DPP10: variants seen among roughly 807,000 people sequenced by gnomAD.
The protein encoded by DPP10 is dipeptidyl peptidase like 10, also known as inactive dipeptidyl peptidase 10.
In DPP10, 33 loss-of-function variants were observed where a neutral mutation model predicts 120.9. The ratio of observed to expected loss-of-function variants is 0.27; its 90% CI spans 0.21 to 0.37. The LOEUF is 0.37. DPP10 is among the 10% of genes least tolerant of loss of function. The pLI is 1.00. For missense variants in DPP10, 816 were observed against 942.8 expected, an observed-to-expected ratio of 0.87 and a Z score of 1.76; for synonymous variants, 337 against 326.1, an observed-to-expected ratio of 1.03 and a Z score of -0.36.
intron 1 of DPP10, among the ~76,000 whole-genome samples, chr2:114,948,163 G>A (rs932038318): frequency 5.9e-5 from 9 of 151,602 alleles, no homozygotes; most frequent in Admixed American, 3.3e-4. Context: ...TTCTGGGAGC[G>A]TGCTTTGACT....
intron 19 of DPP10, among the ~76,000 whole-genome samples, chr2:115,809,911 C>A (rs1284837193): frequency 6.6e-6 from 1 of 152,168 alleles, no homozygotes; most frequent in Non-Finnish European, 1.5e-5. Context: ...CGCCTGTAAT[C>A]CCAGCACTTT....
At chr2:114,554,753 G>A (rs1167619579) in intron 1 of DPP10, among the ~76,000 whole-genome samples, 3 of 152,112 alleles carry the variant, frequency 2.0e-5, no homozygotes, top group Non-Finnish European at 4.4e-5. Context: ...CAATTACTTT[G>A]ACTCTTCAAA....
intron 1 of DPP10, among the ~76,000 whole-genome samples, chr2:114,557,815 T>C (rs1282968275): frequency 6.6e-6 from 1 of 152,174 alleles, no homozygotes; most frequent in Non-Finnish European, 1.5e-5. Context: ...TTGGGGCTCA[T>C]GTAGGCCACA....
chr2:114,468,204 C>T (rs2104599514), intron 1 of DPP10, among the ~76,000 whole-genome samples: 1 of 152,006 alleles, frequency 6.6e-6, no homozygotes, highest in South Asian at 2.1e-4. Flanking sequence ...TTTCTAAGGT[C>T]CAAGGCTAGT....
intron 17 of DPP10, among the ~76,000 whole-genome samples, chr2:115,786,074 C>A (rs1683311423): frequency 6.6e-6 from 1 of 152,030 alleles, no homozygotes; most frequent in Non-Finnish European, 1.5e-5. Flanking sequence ...TATTTACTTA[C>A]AAAAGAGGTA....
At chr2:115,052,183 A>G (rs562098587) in intron 1 of DPP10, among the ~76,000 whole-genome samples, 1 of 152,294 alleles carries the variant, frequency 6.6e-6, no homozygotes, top group African/African-American at 2.4e-5. Context: ...CTAACTCATA[A>G]TGGATCAAAC....
intron 5 of DPP10, among the ~76,000 whole-genome samples, chr2:115,663,870 C>G (rs983581000): frequency 6.6e-6 from 1 of 151,952 alleles, no homozygotes; most frequent in African/African-American, 2.4e-5. Context: ...TGGCGTGCAC[C>G]TGCAATCCCA....
intron 12 of DPP10, among the ~76,000 whole-genome samples, chr2:115,766,308 GTGTATATATATATATATGTATATATATA>G (rs1228980746): frequency 1.6e-5 from 1 of 62,476 alleles, no homozygotes; most frequent in African/African-American, 5.2e-5. Context: ...GTGTGTGTGT[GTGTATATATATATATATGTATATATATA>G]TGTATATATA....
At chr2:115,820,680 A>G (rs531198455) in intron 21 of DPP10, among the ~76,000 whole-genome samples, 1 of 151,986 alleles carries the variant, frequency 6.6e-6, no homozygotes, top group East Asian at 1.9e-4. Flanking sequence ...AGAATATATT[A>G]TGTTTGGTTT....
At chr2:115,536,675 C>T (rs557718854) in intron 5 of DPP10, among the ~76,000 whole-genome samples, 105 of 152,004 alleles carry the variant, frequency 6.9e-4, no homozygotes, top group Middle Eastern at 6.8e-3. Context: ...GACACGAATG[C>T]TTTTTCTAAG....
chr2:114,589,231 C>A (rs1440916404), intron 1 of DPP10, among the ~76,000 whole-genome samples: 1 of 152,086 alleles, frequency 6.6e-6, no homozygotes, highest in Non-Finnish European at 1.5e-5. Flanking sequence ...TCAAGTAGGT[C>A]AGTTTTATAA....
chr2:114,723,039 G>A (rs996022875), intron 1 of DPP10, among the ~76,000 whole-genome samples: 10 of 152,166 alleles, frequency 6.6e-5, no homozygotes, highest in Non-Finnish European at 1.2e-4. Flanking sequence ...GAAGTGCTCC[G>A]TGCACATTCA....
chr2:115,835,453 GAA>G (rs1257923789), intron 21 of DPP10, among the ~76,000 whole-genome samples: 4 of 152,114 alleles, frequency 2.6e-5, no homozygotes, highest in African/African-American at 7.2e-5. Context: ...GAGAGGGAGA[GAA>G]AGAGAGAGAG....
At chr2:115,013,683 A>G (rs1053391422) in intron 1 of DPP10, among the ~76,000 whole-genome samples, 9 of 150,534 alleles carry the variant, frequency 6.0e-5, no homozygotes, top group African/African-American at 1.5e-4. Flanking sequence ...AAAAAAGTAC[A>G]GGGGTTGCAA....
At chr2:114,734,750 C>G (rs1048465449) in intron 1 of DPP10, among the ~76,000 whole-genome samples, 2 of 152,174 alleles carry the variant, frequency 1.3e-5, no homozygotes, top group Non-Finnish European at 2.9e-5. Flanking sequence ...GTCTGTCTCT[C>G]AGTTCTAGTT....
At chr2:114,763,770 G>C (rs1188851396) in intron 1 of DPP10, among the ~76,000 whole-genome samples, 2 of 152,154 alleles carry the variant, frequency 1.3e-5, no homozygotes, top group Non-Finnish European at 2.9e-5. Context: ...ATGAGAATTT[G>C]GCATATGTGG....
intron 21 of DPP10, among the ~76,000 whole-genome samples, chr2:115,828,161 A>T (rs1688568230): frequency 6.6e-6 from 1 of 152,034 alleles, no homozygotes; most frequent in South Asian, 2.1e-4. Context: ...AAAAAGTTTT[A>T]GGTTGACATT....
At chr2:114,687,689 A>T (rs1180224637) in intron 1 of DPP10, among the ~76,000 whole-genome samples, 2 of 151,954 alleles carry the variant, frequency 1.3e-5, no homozygotes, top group African/African-American at 4.8e-5. Context: ...CAGTTGAAGG[A>T]GTTATAATCT....
At chr2:115,646,193 A>G (rs537242137) in intron 5 of DPP10, among the ~76,000 whole-genome samples, 6 of 152,078 alleles carry the variant, frequency 3.9e-5, no homozygotes, top group Non-Finnish European at 8.8e-5. Flanking sequence ...TGCTTACTCT[A>G]TGTCACCATA....
Sources: allele counts gnomAD v4.1 joint callset (sites outside exome capture counted in the v4.1 genomes callset), GRCh38; gene constraint gnomAD v4.1.1; transcripts MANE v1.5; gene names NCBI Gene and HGNC (gene_info 2026-07-23, HGNC 2026-07-21).